IL12RB2: variants seen among roughly 807,000 people sequenced by gnomAD.
IL12RB2 encodes interleukin-12 receptor subunit beta-2.
A neutral mutation model predicts 89.4 loss-of-function variants in IL12RB2; 82 were observed. The observed-to-expected ratio is 0.92, with a 90% CI of 0.77 to 1.10. The LOEUF is 1.10. Among genes scored for constraint, IL12RB2 ranks in the 50% least tolerant of loss-of-function variants. The probability of loss-of-function intolerance (pLI) is 0.00; values close to 1 mark genes in which losing one functional copy is unlikely to be tolerated. For synonymous variants in IL12RB2, 368 were observed against 370.1 expected (o/e 0.99, Z 0.07); for missense variants, 963 against 1,031.9 (o/e 0.93, Z 0.92).
chr1:67,377,201 T>C (rs1255665348), intron 13 of IL12RB2, among the ~76,000 whole-genome samples: 1 of 152,198 alleles, frequency 6.6e-6, no homozygotes, highest in Non-Finnish European at 1.5e-5. Flanking sequence ...TAGTGGACTC[T>C]TTGAGGCAGA....
At chr1:67,309,532 T>C (rs1255481092) in intron 1 of IL12RB2, among the ~76,000 whole-genome samples, 2 of 152,236 alleles carry the variant, frequency 1.3e-5, no homozygotes, top group African/African-American at 2.4e-5. Flanking sequence ...AAATCCTCAA[T>C]ACATTACACT....
At chr1:67,381,999 A>G (rs1187480073) in intron 14 of IL12RB2, among the ~76,000 whole-genome samples, 1 of 152,136 alleles carries the variant, frequency 6.6e-6, no homozygotes, top group Non-Finnish European at 1.5e-5. Context: ...AATAAAAAAA[A>G]ATAAAAACAA....
intron 10 of IL12RB2, among the ~76,000 whole-genome samples, chr1:67,362,845 T>C (rs1662253343): frequency 6.6e-6 from 1 of 150,862 alleles, no homozygotes; most frequent in Non-Finnish European, 1.5e-5. Context: ...CTTGGAACTA[T>C]ATAGAAAAAG....
chr1:67,345,044 G>A (rs370666226), intron 9 of IL12RB2, among the ~76,000 whole-genome samples: 5 of 152,038 alleles, frequency 3.3e-5, no homozygotes, highest in Admixed American at 2.0e-4. Flanking sequence ...GGTGGCATAC[G>A]GCTGTAATTC....
chr1:67,338,618 A>T lies in IL12RB2; in HGVS notation c.959-6A>T. 1 of 1,399,032 alleles carries T rather than the reference A, an allele frequency of 7.1e-7. No homozygotes were observed. Among genetic ancestry groups the T allele is most frequent in the Non-Finnish European group, 1.0e-6 (1 of 983,332 alleles). The allele number at this position is 1,399,032 out of a possible 1,614,324, so 86.7% of individuals were successfully genotyped here. On this transcript the variant is annotated splice_polypyrimidine_tract_variant and splice_region_variant and intron_variant, in intron 8 of 16. Coordinates refer to ENST00000674203, the MANE Select transcript of IL12RB2 (RefSeq NM_001374259.2). ...AAAATATGTCTTTTTTTCTCCTTTG[A>T]AACAGAGCCTACTGGGATGTTAGAT...
intron 5 of IL12RB2, among the ~76,000 whole-genome samples, 173 bp from the exon 6 acceptor site, chr1:67,328,027 A>C (rs1657559709): frequency 6.6e-6 from 1 of 152,252 alleles, no homozygotes; most frequent in Non-Finnish European, 1.5e-5. Context: ...GGTGAAGTAT[A>C]GTCTTACATG....
intron 10 of IL12RB2, among the ~76,000 whole-genome samples, chr1:67,353,051 A>G (rs1661019134): frequency 6.6e-6 from 1 of 152,244 alleles, no homozygotes; most frequent in African/African-American, 2.4e-5. Context: ...TGTAAGTACG[A>G]AGATGTTTGT....
chr1:67,317,457 A>G (rs1655924867), intron 2 of IL12RB2, among the ~76,000 whole-genome samples: 1 of 152,208 alleles, frequency 6.6e-6, no homozygotes, highest in Admixed American at 6.5e-5. Flanking sequence ...AGCCAGCAGC[A>G]GCAGAGCGAG....
At chr1:67,383,670 C>T (rs1664840229) in intron 14 of IL12RB2, among the ~76,000 whole-genome samples, 1 of 152,282 alleles carries the variant, frequency 6.6e-6, no homozygotes, top group East Asian at 1.9e-4. Context: ...AGTCCAAAAT[C>T]CAGTAGGGCA....
chr1:67,395,199 C>T (rs1435875031), intron 16 of IL12RB2, among the ~76,000 whole-genome samples: 3 of 150,938 alleles, frequency 2.0e-5, no homozygotes, highest in Non-Finnish European at 4.4e-5. Flanking sequence ...ACCTGGGAGG[C>T]GGAGGTTACA....
chr1:67,327,288 A>C (rs1465234246), intron 5 of IL12RB2, among the ~76,000 whole-genome samples: 1 of 152,200 alleles, frequency 6.6e-6, no homozygotes, highest in Non-Finnish European at 1.5e-5. Context: ...AGAAAGGAGA[A>C]GCAATAGATA....
chr1:67,396,280 C>T lies in IL12RB2; in HGVS notation c.*191C>T. 1.5e-6 allele frequency: 1 copy of T among 671,860 alleles called. No homozygotes were observed. The highest frequency in any genetic ancestry group is 2.2e-5 in the Admixed American group (1 of 45,920). The allele number at this position is 671,860 out of a possible 1,614,324, so 41.6% of individuals were successfully genotyped here. A position where few individuals can be genotyped will look rare whatever the true frequency, so the allele number is the denominator to read the frequency against. On this transcript the variant is annotated 3_prime_UTR_variant, in exon 17 of 17. Transcript: ENST00000674203. ...GTTGGTCTTCACTCAGATGCCTCAT[C>T]TTGCCTTTCCCAGGGCCTTAAAATT...
intron 8 of IL12RB2, among the ~76,000 whole-genome samples, chr1:67,331,619 C>G (rs1423987972): frequency 2.0e-5 from 3 of 152,132 alleles, no homozygotes; most frequent in Non-Finnish European, 4.4e-5. Context: ...GTGGGCAGAT[C>G]ACGAGGTCAG....
intron 9 of IL12RB2, among the ~76,000 whole-genome samples, chr1:67,339,505 A>C (rs534917357): frequency 1.1e-3 from 160 of 152,156 alleles, no homozygotes; most frequent in African/African-American, 3.8e-3. Flanking sequence ...AAAAAAAAGA[A>C]AATCATACAA....
chr1:67,333,999 A>G (rs910423678), intron 8 of IL12RB2, among the ~76,000 whole-genome samples: 4 of 152,206 alleles, frequency 2.6e-5, no homozygotes, highest in Non-Finnish European at 5.9e-5. Context: ...GAATCGTTGC[A>G]TGTTCATTCG....
intron 10 of IL12RB2, among the ~76,000 whole-genome samples, chr1:67,358,576 C>G (rs866101471): frequency 6.9e-6 from 1 of 144,732 alleles, no homozygotes; most frequent in Non-Finnish European, 1.5e-5. Flanking sequence ...AACTCCATCT[C>G]AAAAAAAAAT....
intron 1 of IL12RB2, among the ~76,000 whole-genome samples, chr1:67,310,575 C>T (rs1357491062): frequency 1.3e-5 from 2 of 152,158 alleles, no homozygotes; most frequent in African/African-American, 4.8e-5. Flanking sequence ...ACTTAATTCT[C>T]GTAGTGTCAC....
chr1:67,332,461 C>A (rs1275029054), intron 8 of IL12RB2, among the ~76,000 whole-genome samples: 1 of 152,174 alleles, frequency 6.6e-6, no homozygotes, highest in Non-Finnish European at 1.5e-5. Flanking sequence ...GGTGATCCAC[C>A]TGCCTCGGCC....
At chr1:67,353,325 T>C (rs1661045627) in intron 10 of IL12RB2, among the ~76,000 whole-genome samples, 1 of 152,176 alleles carries the variant, frequency 6.6e-6, no homozygotes, top group African/African-American at 2.4e-5. Flanking sequence ...TCCCAGCACT[T>C]TGGGAGTGCA....
Sources: gnomAD v4.1 joint callset for allele counts (sites outside exome capture counted in the v4.1 genomes callset) on GRCh38, gnomAD v4.1.1 for gene constraint, MANE v1.5 for transcripts, NCBI Gene and HGNC (gene_info 2026-07-23, HGNC 2026-07-21) for gene names.